Variants in TACC1 observed in about 807,000 individuals in gnomAD.
TACC1 encodes transforming acidic coiled-coil containing protein 1.
In TACC1, 48 loss-of-function variants were observed where a neutral mutation model predicts 84.4. The ratio of observed to expected loss-of-function variants is 0.57; its 90% CI spans 0.45 to 0.72. The LOEUF (loss-of-function observed/expected upper bound fraction) is 0.72, where lower values mean the gene tolerates loss of function less well. Ranked by LOEUF, TACC1 falls within the 30% of genes least tolerant of loss-of-function variation. The pLI, the probability that TACC1 is intolerant of heterozygous loss-of-function variation, is 0.00. For missense variants in TACC1, 920 were observed against 973.0 expected (o/e 0.95, Z 0.72); for synonymous variants, 372 against 376.3 (o/e 0.99, Z 0.13).
At chr8:38,795,153 A>G (rs1819670223) in intron 2 of TACC1, among the ~76,000 whole-genome samples, 1 of 152,180 alleles carries the variant, frequency 6.6e-6, no homozygotes, top group South Asian at 2.1e-4. Context: ...CTGCTTCTAT[A>G]TGGTGCCTTA....
rs1047775079 is a variant in TACC1 at position 38,742,486 on chromosome 8, A to T, written c.-574+35A>T. The T allele has an allele frequency of 4.7e-6, 7 of 1,475,592 alleles. No homozygotes were observed. In the African/African-American group the frequency reaches 8.4e-5, roughly 18 times the overall value. 91.4% of individuals were successfully genotyped at this position (1,475,592 alleles called of 1,614,324 possible). ...TTCTTTGACATTGAATATACCTGGG[A>T]TGGATTTTAAAGTAAAAATTTTTAT... On this transcript the variant is annotated intron_variant, in intron 2 of 14. Coordinates refer to the TACC1 transcript ENST00000518415.
chr8:38,757,430 C>T (rs1587325585), intron 3 of TACC1: 2 of 1,182,756 alleles, frequency 1.7e-6, no homozygotes, highest in Non-Finnish European at 2.1e-6. Flanking sequence ...GAGCCCTCTC[C>T]AAGGGCCGCC....
chr8:38,767,244 T>G (rs1222640220), intron 3 of TACC1, among the ~76,000 whole-genome samples: 3 of 152,236 alleles, frequency 2.0e-5, no homozygotes, highest in African/African-American at 7.2e-5. Flanking sequence ...TGACGTTTCC[T>G]CTGCCTTTTC....
intron 3 of TACC1, among the ~76,000 whole-genome samples, chr8:38,754,290 T>C (rs1252945592): frequency 6.6e-6 from 1 of 152,150 alleles, no homozygotes; most frequent in Non-Finnish European, 1.5e-5. Context: ...GGCCCCACCC[T>C]GTGCCTTTCT....
At chr8:38,748,397 A>C (rs1808439902) in intron 3 of TACC1, among the ~76,000 whole-genome samples, 1 of 152,202 alleles carries the variant, frequency 6.6e-6, no homozygotes, top group African/African-American at 2.4e-5. Context: ...TAGAGTAACC[A>C]ACAAAAAATC....
chr8:38,802,660 T>C (rs1821674240), intron 2 of TACC1, among the ~76,000 whole-genome samples: 1 of 152,204 alleles, frequency 6.6e-6, no homozygotes, highest in South Asian at 2.1e-4. Flanking sequence ...TAGGCTGTAG[T>C]AGAAGCATGG....
At chr8:38,753,997 A>C (rs1587274427) in intron 3 of TACC1, among the ~76,000 whole-genome samples, 1 of 140,318 alleles carries the variant, frequency 7.1e-6, no homozygotes, top group African/African-American at 2.7e-5. Context: ...TCTGTCGCCC[A>C]GGCTGGAGTG....
At chr8:38,837,001 A>T (rs543716458) in intron 7 of TACC1, among the ~76,000 whole-genome samples, 29 of 151,762 alleles carry the variant, frequency 1.9e-4, no homozygotes, top group African/African-American at 6.3e-4. Flanking sequence ...CCTCAGCTGT[A>T]GGTCTTTTAC....
chr8:38,845,737 G>A (rs1832103964), intron 11 of TACC1, among the ~76,000 whole-genome samples: 1 of 152,174 alleles, frequency 6.6e-6, no homozygotes, highest in Non-Finnish European at 1.5e-5. Context: ...TGCGTTGGAG[G>A]GCATGTACAC....
chr8:38,820,528 C>G lies in TACC1; in HGVS notation c.1284C>G (p.Pro428=), dbSNP rs767090942. 5.0e-5 allele frequency: 81 copies of G among 1,614,076 alleles called. No homozygotes were observed. The Admixed American group carries it at 1.3e-3, about 26-fold the overall frequency. ...ATAACTTTGACGAATCCATGGATCC[C>G]TTTAAACCAACTACGACCTTAACAA... ...DPDNFDESMD[P]FKPTTTLTSS... The change falls in exon 3 of 13, where the codon CCC becomes CCG. Residue 428 remains proline (P), a synonymous_variant. Transcript: ENST00000317827.
chr8:38,752,340 G>A (rs1462312207), intron 3 of TACC1, among the ~76,000 whole-genome samples: 4 of 152,032 alleles, frequency 2.6e-5, no homozygotes, highest in African/African-American at 4.8e-5. Flanking sequence ...ATGTGGTGGC[G>A]TGTGCCTGTA....
chr8:38,798,456 A>T (rs902987031), intron 2 of TACC1, among the ~76,000 whole-genome samples: 1 of 152,158 alleles, frequency 6.6e-6, no homozygotes, highest in African/African-American at 2.4e-5. Context: ...TTAGAGGCTT[A>T]TCTCAGGAGA....
intron 3 of TACC1, among the ~76,000 whole-genome samples, chr8:38,767,825 G>A (rs887485768): frequency 1.3e-5 from 2 of 152,184 alleles, no homozygotes; most frequent in Non-Finnish European, 2.9e-5. Context: ...AACACTTTGG[G>A]AGTCTGAGGT....
intron 3 of TACC1, among the ~76,000 whole-genome samples, chr8:38,748,630 A>C (rs1412392836): frequency 2.0e-5 from 3 of 152,174 alleles, no homozygotes; most frequent in Non-Finnish European, 2.9e-5. Flanking sequence ...ATTGGAAACC[A>C]AAAACAATAA....
intron 2 of TACC1, among the ~76,000 whole-genome samples, chr8:38,813,920 G>A (rs1288281294): frequency 6.6e-6 from 1 of 152,176 alleles, no homozygotes; most frequent in Non-Finnish European, 1.5e-5. Flanking sequence ...TAGAAATTAA[G>A]CTGGGGCAGT....
At chr8:38,807,619 A>C (rs1823071921) in intron 2 of TACC1, among the ~76,000 whole-genome samples, 1 of 152,210 alleles carries the variant, frequency 6.6e-6, no homozygotes, top group African/African-American at 2.4e-5. Context: ...TCTCTTCTTA[A>C]ATGAGATTCT....
chr8:38,791,390 G>C (rs957458102), intron 2 of TACC1, among the ~76,000 whole-genome samples: 3 of 152,200 alleles, frequency 2.0e-5, no homozygotes, highest in African/African-American at 7.2e-5. Context: ...TATTATGAAG[G>C]CTTTCAGTTT....
chr8:38,808,830 G>C (rs1056821294), intron 2 of TACC1, among the ~76,000 whole-genome samples: 4 of 152,158 alleles, frequency 2.6e-5, no homozygotes, highest in Non-Finnish European at 5.9e-5. Flanking sequence ...TATGTGGTTA[G>C]TTTGTTTTTC....
intron 3 of TACC1, among the ~76,000 whole-genome samples, chr8:38,767,934 T>G (rs1451014899): frequency 1.3e-5 from 2 of 151,964 alleles, no homozygotes; most frequent in African/African-American, 4.8e-5. Flanking sequence ...CCAGATGTGT[T>G]GTCGGCGCCT....
Sources: allele counts gnomAD v4.1 joint callset (sites outside exome capture counted in the v4.1 genomes callset), GRCh38; gene constraint gnomAD v4.1.1; transcripts MANE v1.5; gene names NCBI Gene and HGNC (gene_info 2026-07-23, HGNC 2026-07-21).